TMA16: variants seen among roughly 807,000 people sequenced by gnomAD.
TMA16 encodes the protein translation machinery-associated protein 16.
A neutral mutation model predicts 27.1 loss-of-function variants in TMA16; 26 were observed. The ratio of observed to expected loss-of-function variants is 0.96; its 90% CI spans 0.70 to 1.33. The LOEUF (loss-of-function observed/expected upper bound fraction) is 1.33. TMA16 is among the 40% of genes most tolerant of loss of function. The pLI is 0.00. For synonymous variants in TMA16, 71 were observed against 81.9 expected, an observed-to-expected ratio of 0.87 and a Z score of 0.72; for missense variants, 233 against 241.4, an observed-to-expected ratio of 0.97 and a Z score of 0.23.
At chr4:163,509,705 C>G (rs1737765848) in intron 2 of TMA16, among the ~76,000 whole-genome samples, 1 of 152,136 alleles carries the variant, frequency 6.6e-6, no homozygotes, top group Non-Finnish European at 1.5e-5. Context: ...TTGAAAAGCT[C>G]TGATTTAGGA....
At chr4:163,499,999 G>T (rs1737624858) in intron 1 of TMA16, among the ~76,000 whole-genome samples, 1 of 152,000 alleles carries the variant, frequency 6.6e-6, no homozygotes. Flanking sequence ...ACACTTTAAG[G>T]AATTTTCTTT....
intron 2 of TMA16, among the ~76,000 whole-genome samples, chr4:163,507,538 A>G (rs569065802): frequency 9.2e-4 from 140 of 152,264 alleles, no homozygotes; most frequent in African/African-American, 3.1e-3. Context: ...GAGATATGGA[A>G]TGGATAGTTA....
intron 1 of TMA16, 173 bp downstream of exon 1, chr4:163,494,977 A>C: frequency 1.1e-6 from 1 of 916,190 alleles, no homozygotes; most frequent in Non-Finnish European, 1.6e-6. Flanking sequence ...GGCGAGTCCC[A>C]GGCCCAACGC....
rs530100011 is a variant in TMA16 at position 163,499,598 on chromosome 4, C to T, written c.3+4794C>T. ...CCTAAATCCATGGATGCTCAGGTCC[C>T]TTATATAAAATGGTGTCGTTTTTGC... On this transcript the variant is annotated intron_variant, in intron 1 of 6. Transcript: ENST00000358572. 2.4e-4 allele frequency among the ~76,000 whole-genome samples: 36 copies of T among 152,160 alleles called. No homozygotes were observed. The East Asian group carries it at 6.2e-3, about 26-fold the overall frequency.
At chr4:163,515,616 C>CTT in intron 5 of TMA16, 155 bp downstream of exon 5, 7 of 857,614 alleles carry the variant, frequency 8.2e-6, no homozygotes, top group Admixed American at 3.4e-5. Flanking sequence ...ATTTTGGATT[C>CTT]TTTTTTTTTC....
chr4:163,507,202 T>C, intron 2 of TMA16, 57 bp downstream of exon 2: 2 of 1,411,582 alleles, frequency 1.4e-6, no homozygotes, highest in South Asian at 2.5e-5. Context: ...TTTATACTTT[T>C]ATCTTTCAAA....
intron 3 of TMA16, 126 bp downstream of exon 3, chr4:163,512,985 C>G: frequency 1.6e-6 from 1 of 612,290 alleles, no homozygotes; most frequent in South Asian, 3.6e-5. Flanking sequence ...CAGACTTGAT[C>G]TAAACAAAGC....
intron 1 of TMA16, among the ~76,000 whole-genome samples, chr4:163,499,555 T>TGAGG (rs1454658472): frequency 6.6e-6 from 1 of 152,114 alleles, no homozygotes; most frequent in African/African-American, 2.4e-5. Context: ...GGATATTAGT[T>TGAGG]GAGGACACAC....
intron 2 of TMA16, among the ~76,000 whole-genome samples, chr4:163,508,095 T>A (rs1319111589): frequency 6.6e-6 from 1 of 152,174 alleles, no homozygotes; most frequent in Non-Finnish European, 1.5e-5. Context: ...ATAGCAGTTT[T>A]GCTTTAGCAC....
chr4:163,495,043 C>T (rs1423065195), intron 1 of TMA16, among the ~76,000 whole-genome samples: 1 of 152,158 alleles, frequency 6.6e-6, no homozygotes, highest in Non-Finnish European at 1.5e-5. Context: ...CGCCTTGCTC[C>T]TCTTTGCCTT....
At chr4:163,498,067 G>A (rs1038295818) in intron 1 of TMA16, among the ~76,000 whole-genome samples, 1 of 152,022 alleles carries the variant, frequency 6.6e-6, no homozygotes, top group African/African-American at 2.4e-5. Flanking sequence ...ATAGATCTAT[G>A]TAAGTACATA....
chr4:163,498,154 A>G, intron 1 of TMA16, among the ~76,000 whole-genome samples: 1 of 152,184 alleles, frequency 6.6e-6, no homozygotes, highest in East Asian at 1.9e-4. Flanking sequence ...GATCTGTGAT[A>G]GACCTTTAAA....
intron 6 of TMA16, among the ~76,000 whole-genome samples, chr4:163,518,559 TAATC>T (rs1172949263): frequency 1.4e-4 from 22 of 152,198 alleles, no homozygotes; most frequent in Admixed American, 1.4e-3. Context: ...AGATTTTTAT[TAATC>T]ATTTTGGTCT....
intron 1 of TMA16, among the ~76,000 whole-genome samples, chr4:163,500,210 C>CTTTTT (rs34832261): frequency 1.9e-4 from 25 of 132,246 alleles, no homozygotes; most frequent in African/African-American, 3.4e-4. Context: ...TTCTTTCTTT[C>CTTTTT]TTTTTTTTTT....
intron 4 of TMA16, 130 bp downstream of exon 4, chr4:163,514,288 C>G (rs1288129934): frequency 2.8e-6 from 2 of 719,624 alleles, no homozygotes; most frequent in Non-Finnish European, 4.3e-6. Context: ...AGACTATTTC[C>G]TGGCTTAGTC....
At chr4:163,505,446 A>G (rs2110797483) in intron 1 of TMA16, among the ~76,000 whole-genome samples, 1 of 152,306 alleles carries the variant, frequency 6.6e-6, no homozygotes, top group Non-Finnish European at 1.5e-5. Context: ...GAATGAATAT[A>G]TTTGTGAATG....
intron 1 of TMA16, among the ~76,000 whole-genome samples, chr4:163,495,837 G>A (rs1263982048): frequency 6.6e-6 from 1 of 151,912 alleles, no homozygotes; most frequent in Non-Finnish European, 1.5e-5. Context: ...CGCATATTTT[G>A]TACTTTAGAT....
chr4:163,512,936 C>G, intron 3 of TMA16, 77 bp downstream of exon 3: 1 of 1,100,964 alleles, frequency 9.1e-7, no homozygotes, highest in Non-Finnish European at 1.3e-6. Context: ...TCTTTTTACT[C>G]TTTTAGTGAA....
intron 1 of TMA16, among the ~76,000 whole-genome samples, chr4:163,496,413 A>T (rs938706022): frequency 6.6e-6 from 1 of 152,144 alleles, no homozygotes; most frequent in African/African-American, 2.4e-5. Flanking sequence ...TACAGCTTAT[A>T]GTTGTTCATC....
Sources: gnomAD v4.1 joint callset for allele counts (sites outside exome capture counted in the v4.1 genomes callset) on GRCh38, gnomAD v4.1.1 for gene constraint, MANE v1.5 for transcripts, NCBI Gene and HGNC (gene_info 2026-07-23, HGNC 2026-07-21) for gene names.